RNF169: variants seen among roughly 807,000 people sequenced by gnomAD.
RNF169 encodes the protein ring finger protein 169, also known as E3 ubiquitin-protein ligase RNF169.
Under a neutral mutation model 53.9 loss-of-function variants are expected in RNF169, and 24 were observed. The observed-to-expected ratio is 0.45, with a 90% CI of 0.32 to 0.63. The LOEUF (loss-of-function observed/expected upper bound fraction) is 0.63, where lower values mean the gene tolerates loss of function less well. Among genes scored for constraint, RNF169 ranks in the 20% least tolerant of loss-of-function variants. RNF169 has a pLI of 0.04. For synonymous variants in RNF169, 396 were observed against 363.5 expected, an observed-to-expected ratio of 1.09 and a Z score of -1.02; for missense variants, 883 against 906.2, an observed-to-expected ratio of 0.97 and a Z score of 0.33.
intron 1 of RNF169, among the ~76,000 whole-genome samples, chr11:74,761,602 T>G (rs2035083525): frequency 6.6e-6 from 1 of 152,340 alleles, no homozygotes; most frequent in South Asian, 2.1e-4. Flanking sequence ...AAATTCTGGG[T>G]TGAAAATTCT....
chr11:74,770,896 C>T (rs1262010078), intron 1 of RNF169, among the ~76,000 whole-genome samples: 1 of 152,228 alleles, frequency 6.6e-6, no homozygotes, highest in Non-Finnish European at 1.5e-5. Flanking sequence ...ACCTCTGCCT[C>T]CTGGGTTCAA....
chr11:74,800,965 A>G (rs2035720472), intron 2 of RNF169, among the ~76,000 whole-genome samples: 1 of 152,244 alleles, frequency 6.6e-6, no homozygotes, highest in African/African-American at 2.4e-5. Context: ...TATCTACAAA[A>G]TGCATGTAAT....
At chr11:74,769,349 A>G (rs749850056) in intron 1 of RNF169, among the ~76,000 whole-genome samples, 2 of 152,240 alleles carry the variant, frequency 1.3e-5, no homozygotes, top group Admixed American at 6.5e-5. Context: ...TAATTGATTA[A>G]TTATAAATAA....
Position 74,836,129 on chromosome 11 carries a change from A to G in RNF169, c.1526A>G (p.Gln509Arg). Residue 509 changes from glutamine (Q) to arginine (R), a missense_variant, in exon 6 of 6, where the codon CAA (glutamine) becomes CGA (arginine). Coordinates refer to ENST00000299563, the MANE Select transcript of RNF169 (RefSeq NM_001098638.2). ...ADLDHFPSVS[Q>R]TKAEQDSDNK... ...CTTGATCATTTCCCCTCTGTTAGCC[A>G]AACAAAAGCAGAACAGGACAGTGAT... is the stretch of plus-strand genomic sequence containing the variant. 1.1e-5 allele frequency: 17 copies of G among 1,614,166 alleles called. No individual in the cohort carries two copies. Among genetic ancestry groups the G allele is most frequent in the Non-Finnish European group, 1.4e-5 (17 of 1,180,022 alleles).
rs184957733 is a variant in RNF169 at position 74,775,011 on chromosome 11, T to C, written c.503-14615T>C. Among the ~76,000 whole-genome samples the C allele has an allele frequency of 3.7e-3, 556 of 152,278 alleles. 1 individual carries two copies. Among genetic ancestry groups the C allele is most frequent in the Non-Finnish European group, 6.6e-3 (448 of 68,014 alleles). On this transcript the variant is annotated intron_variant, in intron 1 of 5. Coordinates refer to ENST00000299563, the MANE Select transcript of RNF169 (RefSeq NM_001098638.2). ...AATGAGAAAGCAGAAACAGTGAATATAACATTTAGACAATTCTTTGGAGGA... is the reference window on the plus strand; with the variant it reads ...AATGAGAAAGCAGAAACAGTGAATACAACATTTAGACAATTCTTTGGAGGA...
At chr11:74,759,740 A>C (rs987509323) in intron 1 of RNF169, among the ~76,000 whole-genome samples, 7 of 146,986 alleles carry the variant, frequency 4.8e-5, no homozygotes, top group Admixed American at 2.0e-4. Context: ...TTTTGCATCA[A>C]TGTTCATCAA....
At position 74,749,390 on chromosome 11, in the gene RNF169, T is replaced by G; in HGVS notation, c.502+8T>G. 1 of 1,242,820 alleles carries G rather than the reference T, an allele frequency of 8.0e-7. No homozygotes were observed. Among genetic ancestry groups the G allele is most frequent in the Non-Finnish European group, 1.0e-6 (1 of 989,422 alleles). 77.0% of individuals were successfully genotyped at this position (1,242,820 alleles called of 1,614,324 possible). The stretch of plus-strand genomic sequence containing the variant: ...CCGCGCCTGCGGAGCCAGGTGGAGC[T>G]TCCCCACTTCCCCTTAGGGTCTGGA... On this transcript the variant is annotated splice_region_variant and intron_variant, in intron 1 of 5. Coordinates refer to ENST00000299563, the MANE Select transcript of RNF169 (RefSeq NM_001098638.2).
chr11:74,805,158 C>A (rs1406058697), intron 2 of RNF169, among the ~76,000 whole-genome samples: 2 of 152,180 alleles, frequency 1.3e-5, no homozygotes, highest in African/African-American at 2.4e-5. Flanking sequence ...TGTGGATAAG[C>A]AAATTGTGGT....
chr11:74,827,056 C>G, intron 4 of RNF169, among the ~76,000 whole-genome samples: 1 of 152,250 alleles, frequency 6.6e-6, no homozygotes, highest in Admixed American at 6.5e-5. Flanking sequence ...GGGCATTTCC[C>G]TTCCACACTG....
intron 4 of RNF169, among the ~76,000 whole-genome samples, chr11:74,821,549 C>T (rs10899044): frequency 0.46 from 49,812 of 107,250 alleles, 16,774 homozygotes; most frequent in East Asian, 0.72. Context: ...TCCCAGCTAC[C>T]TGGGAGGCTG....
chr11:74,811,167 CTT>C (rs1430847590), intron 3 of RNF169, among the ~76,000 whole-genome samples: 3 of 152,102 alleles, frequency 2.0e-5, no homozygotes, highest in African/African-American at 7.2e-5. Flanking sequence ...CAGTCTACCT[CTT>C]ATACAGGTCC....
chr11:74,754,735 G>A (rs1169794018), intron 1 of RNF169, among the ~76,000 whole-genome samples: 1 of 152,160 alleles, frequency 6.6e-6, no homozygotes, highest in Non-Finnish European at 1.5e-5. Context: ...CAGGAGATTC[G>A]CTTCAACCCG....
chr11:74,793,215 A>C (rs913639893), intron 2 of RNF169, among the ~76,000 whole-genome samples: 1 of 152,196 alleles, frequency 6.6e-6, no homozygotes, highest in Non-Finnish European at 1.5e-5. Flanking sequence ...GTCGATTGGG[A>C]TAGGGTATGG....
In RNF169 at chr11:74,836,393, A is replaced by G; in HGVS notation, c.1790A>G (p.Asn597Ser). 2 of 1,614,194 alleles carry G rather than the reference A, an allele frequency of 1.2e-6. No homozygotes were observed. Among genetic ancestry groups the G allele is most frequent in the Non-Finnish European group, 1.7e-6 (2 of 1,180,024 alleles). ...LKTKQQLKTL[N>S]HFDLTNGVLV... ...ACAAAGCAACAATTGAAGACATTAA[A>G]TCATTTTGATCTGACTAATGGTGTT... The change falls in exon 6 of 6, where the codon AAT becomes AGT. Residue 597 changes from asparagine to serine, a missense_variant. Transcript: ENST00000299563.
chr11:74,820,865 G>A lies in RNF169; in HGVS notation c.842+3151G>A, dbSNP rs185214386. On this transcript the variant is annotated intron_variant, in intron 4 of 5. Transcript: ENST00000299563. ...TGGTGAGGGGTAGTGTCAGGAGCTAGCCTTTTCCCAGTGCTTCCTTGGGCT... is the reference window on the plus strand; with the variant it reads ...TGGTGAGGGGTAGTGTCAGGAGCTAACCTTTTCCCAGTGCTTCCTTGGGCT... Among the ~76,000 whole-genome samples the A allele has an allele frequency of 4.8e-3, 724 of 152,264 alleles. 3 individuals carry two copies. The highest frequency in any genetic ancestry group is 7.6e-3 in the Non-Finnish European group (516 of 68,018).
chr11:74,779,634 T>TG (rs1565175076), intron 1 of RNF169, among the ~76,000 whole-genome samples: 5 of 152,226 alleles, frequency 3.3e-5, no homozygotes, highest in African/African-American at 4.8e-5. Context: ...TTTTATTTTT[T>TG]GGGGGGGTTC....
At chr11:74,813,797 TCTC>T (rs921102101) in intron 3 of RNF169, among the ~76,000 whole-genome samples, 8 of 152,096 alleles carry the variant, frequency 5.3e-5, no homozygotes, top group African/African-American at 1.9e-4. Context: ...TTCAATCAAT[TCTC>T]CTGCCTCAGC....
At chr11:74,775,150 G>A (rs2035314720) in intron 1 of RNF169, among the ~76,000 whole-genome samples, 1 of 152,120 alleles carries the variant, frequency 6.6e-6, no homozygotes, top group Non-Finnish European at 1.5e-5. Context: ...TTTTAGATTT[G>A]CATATTATCA....
rs759246074 is a variant in RNF169 at position 74,838,480 on chromosome 11, TAGTTCCCAAAC to T, written c.*1764_*1774del. 1.8e-4 allele frequency: 27 copies of T among 152,350 alleles called. No homozygotes were observed. The highest frequency in any genetic ancestry group is 4.6e-4 in the Admixed American group (7 of 15,300). The allele number at this position is 152,350 out of a possible 1,614,324, so 9.4% of individuals were successfully genotyped here. A position where few individuals can be genotyped will look rare whatever the true frequency, so the allele number is the denominator to read the frequency against. On this transcript the variant is annotated 3_prime_UTR_variant, in exon 6 of 6. Transcript: ENST00000299563. The stretch of plus-strand genomic sequence containing the variant: ...CAGAGCCATTTTCTTGTGCAGCTCA[TAGTTCCCAAAC>T]AGTTCCCAAACAGAAATTCCAGAGA...
Sources: allele counts gnomAD v4.1 joint callset (sites outside exome capture counted in the v4.1 genomes callset), GRCh38; gene constraint gnomAD v4.1.1; transcripts MANE v1.5; gene names NCBI Gene and HGNC (gene_info 2026-07-23, HGNC 2026-07-21).